MARCHF3: variants seen among roughly 807,000 people sequenced by gnomAD.
MARCHF3 encodes membrane associated ring-CH-type finger 3, also known as E3 ubiquitin-protein ligase MARCHF3.
In MARCHF3, 13 loss-of-function variants were observed where a neutral mutation model predicts 24.2. The observed-to-expected ratio is 0.54, with a 90% CI of 0.35 to 0.85. The LOEUF is 0.85. Among genes scored for constraint, MARCHF3 ranks in the 40% least tolerant of loss-of-function variants. The probability of loss-of-function intolerance (pLI) is 0.01; values close to 1 mark genes in which losing one functional copy is unlikely to be tolerated. For missense variants in MARCHF3, 276 were observed against 325.0 expected (o/e 0.85, Z 1.16); for synonymous variants, 144 against 137.3 (o/e 1.05, Z -0.34).
chr5:127,019,323 AC>A (rs954935458), intron 1 of MARCHF3, among the ~76,000 whole-genome samples: 3 of 151,730 alleles, frequency 2.0e-5, no homozygotes, highest in South Asian at 2.1e-4. Context: ...GCCAACATCT[AC>A]CCCCCTACCC....
intron 1 of MARCHF3, among the ~76,000 whole-genome samples, chr5:126,999,760 G>A (rs1752066438): frequency 6.6e-6 from 1 of 152,102 alleles, no homozygotes; most frequent in Non-Finnish European, 1.5e-5. Flanking sequence ...TTATAAGACT[G>A]TTAGTGCTGA....
intron 1 of MARCHF3, among the ~76,000 whole-genome samples, chr5:126,951,763 C>T (rs1186833373): frequency 6.6e-6 from 1 of 152,188 alleles, no homozygotes; most frequent in African/African-American, 2.4e-5. Flanking sequence ...TACACAACAG[C>T]TCTGTCTGTA....
At chr5:126,927,781 C>T (rs1158248816) in intron 1 of MARCHF3, among the ~76,000 whole-genome samples, 2 of 152,150 alleles carry the variant, frequency 1.3e-5, no homozygotes, top group African/African-American at 4.8e-5. Flanking sequence ...AATCAAATAT[C>T]TGTGTTGTTC....
intron 1 of MARCHF3, among the ~76,000 whole-genome samples, chr5:127,005,839 T>C (rs527277353): frequency 3.9e-5 from 6 of 152,298 alleles, no homozygotes; most frequent in East Asian, 3.9e-4. Context: ...ATATGTACTA[T>C]ATTAGGTACA....
intron 1 of MARCHF3, among the ~76,000 whole-genome samples, chr5:126,990,056 A>G (rs976409036): frequency 1.1e-5 from 1 of 89,016 alleles, no homozygotes; most frequent in African/African-American, 4.6e-5. Context: ...TTTAAAGTTC[A>G]TATGGAACCA....
chr5:126,915,079 C>T lies in MARCHF3; in HGVS notation c.244G>A (p.Asp82Asn), dbSNP rs1754676107. Residue 82 changes from aspartate to asparagine, a missense_variant, in exon 3 of 5, where the codon GAC becomes AAC. By Grantham distance (23) the Asp-to-Asn change is conservative (BLOSUM62 1). Transcript: ENST00000308660. ...RICHEGSSQE[D>N]LLSPCECTGT... is the part of the protein sequence containing the mutation. ...GTACATTCACATGGAGAGAGCAAGTCCTCTTGGCTGCTGCCCTCGTGGCAG... is the reference window on the plus strand; with the variant it reads ...GTACATTCACATGGAGAGAGCAAGTTCTCTTGGCTGCTGCCCTCGTGGCAG... The T allele has an allele frequency of 1.9e-6, 3 of 1,614,064 alleles. No individual in the cohort carries two copies. The highest frequency in any genetic ancestry group is 1.7e-5 in the Admixed American group (1 of 60,006).
intron 1 of MARCHF3, among the ~76,000 whole-genome samples, chr5:126,965,875 T>G (rs1252718626): frequency 6.6e-6 from 1 of 152,234 alleles, no homozygotes; most frequent in Non-Finnish European, 1.5e-5. Context: ...ATACTGGTAT[T>G]TGCTGAAGGG....
intron 1 of MARCHF3, among the ~76,000 whole-genome samples, chr5:126,979,427 T>A (rs1392183494): frequency 6.6e-6 from 1 of 152,218 alleles, no homozygotes; most frequent in Non-Finnish European, 1.5e-5. Context: ...TAAATGCAGA[T>A]CCATTTTGGG....
chr5:127,022,275 T>C (rs957617767), intron 1 of MARCHF3, among the ~76,000 whole-genome samples: 7 of 152,214 alleles, frequency 4.6e-5, no homozygotes, highest in Non-Finnish European at 1.0e-4. Flanking sequence ...CCTTTGAGAA[T>C]GGTCAAAAAT....
At chr5:126,911,122 A>G (rs1386580713) in intron 3 of MARCHF3, among the ~76,000 whole-genome samples, 1 of 152,194 alleles carries the variant, frequency 6.6e-6, no homozygotes, top group Non-Finnish European at 1.5e-5. Context: ...TCTCCTGATA[A>G]GATGTTATCA....
intron 1 of MARCHF3, among the ~76,000 whole-genome samples, chr5:126,931,608 CACAG>C (rs1360992937): frequency 1.4e-5 from 2 of 147,990 alleles, no homozygotes; most frequent in Non-Finnish European, 3.0e-5. Context: ...CACACACACA[CACAG>C]GCTCTATAGA....
intron 3 of MARCHF3, among the ~76,000 whole-genome samples, chr5:126,914,150 ATTTTTTG>A (rs1439955893): frequency 6.6e-6 from 1 of 151,448 alleles, no homozygotes; most frequent in Non-Finnish European, 1.5e-5. Flanking sequence ...TGCCCGGCTA[ATTTTTTG>A]TATTTTTAGT....
At chr5:126,982,017 G>T (rs1046096546) in intron 1 of MARCHF3, among the ~76,000 whole-genome samples, 1 of 152,130 alleles carries the variant, frequency 6.6e-6, no homozygotes, top group African/African-American at 2.4e-5. Flanking sequence ...TAACTTGATA[G>T]ATTGTGCCTT....
chr5:127,003,080 C>T (rs540139205), intron 1 of MARCHF3, among the ~76,000 whole-genome samples: 21 of 151,704 alleles, frequency 1.4e-4, no homozygotes, highest in Non-Finnish European at 2.8e-4. Flanking sequence ...TAGCAGGTGC[C>T]CAGCATTCAC....
chr5:126,870,672 G>T lies in MARCHF3; in HGVS notation c.723C>A (p.Leu241=), dbSNP rs112713107. The change falls in exon 5 of 5, where the codon CTC becomes CTA. Residue 241 remains leucine, a synonymous_variant. Transcript: ENST00000308660. ...VPSNQPSLLG[L]HSVKRNSKET... Reference sequence around the variant, plus strand: ...CCTTTGAGTTCCTCTTGACCGAATGGAGGCCCAGCAAGGACGGCTGGTTAG... The same window carrying T: ...CCTTTGAGTTCCTCTTGACCGAATGTAGGCCCAGCAAGGACGGCTGGTTAG... The T allele has an allele frequency of 8.7e-6, 14 of 1,614,182 alleles. No individual in the cohort carries two copies. The African/African-American group carries it at 1.7e-4, about 20-fold the overall frequency.
intron 1 of MARCHF3, among the ~76,000 whole-genome samples, chr5:126,949,800 G>A (rs1026167397): frequency 6.6e-6 from 1 of 152,184 alleles, no homozygotes; most frequent in Non-Finnish European, 1.5e-5. Context: ...GGAAGGAATT[G>A]AACCCTGCAG....
intron 1 of MARCHF3, among the ~76,000 whole-genome samples, chr5:127,013,145 T>C (rs1752522308): frequency 6.6e-6 from 1 of 152,176 alleles, no homozygotes; most frequent in African/African-American, 2.4e-5. Flanking sequence ...TGTTCCACTT[T>C]TCCTCTGCCA....
intron 3 of MARCHF3, among the ~76,000 whole-genome samples, chr5:126,892,185 T>G (rs887585109): frequency 7.0e-5 from 10 of 142,180 alleles, no homozygotes; most frequent in African/African-American, 2.6e-5. Flanking sequence ...AAGGAGATTT[T>G]GGGCTGAGGC....
intron 1 of MARCHF3, among the ~76,000 whole-genome samples, chr5:126,956,179 C>T (rs1750434804): frequency 6.6e-6 from 1 of 152,168 alleles, no homozygotes; most frequent in African/African-American, 2.4e-5. Flanking sequence ...AAACAGTTTT[C>T]TTCTAGTCCT....
Sources: gnomAD v4.1 joint callset for allele counts (sites outside exome capture counted in the v4.1 genomes callset) on GRCh38, gnomAD v4.1.1 for gene constraint, MANE v1.5 for transcripts, NCBI Gene and HGNC (gene_info 2026-07-23, HGNC 2026-07-21) for gene names.